VAV2: variants seen among roughly 807,000 people sequenced by gnomAD.
VAV2 encodes vav guanine nucleotide exchange factor 2.
A neutral mutation model predicts 132.5 loss-of-function variants in VAV2; 67 were observed. The ratio of observed to expected loss-of-function variants is 0.51; its 90% CI spans 0.42 to 0.62. The LOEUF (loss-of-function observed/expected upper bound fraction) is 0.62, where lower values mean the gene tolerates loss of function less well. Ranked by LOEUF, VAV2 falls within the 20% of genes least tolerant of loss-of-function variation. VAV2 has a pLI of 0.00. For missense variants in VAV2, 938 were observed against 1,153.6 expected (o/e 0.81, Z 2.71); for synonymous variants, 492 against 443.5 (o/e 1.11, Z -1.37).
chr9:133,956,383 G>A (rs549944227), intron 1 of VAV2, among the ~76,000 whole-genome samples: 35 of 152,278 alleles, frequency 2.3e-4, no homozygotes, highest in African/African-American at 6.7e-4. Flanking sequence ...TGGGCCCAGC[G>A]GGTCTGGGGG....
At chr9:133,860,184 C>A (rs1837541029) in intron 3 of VAV2, among the ~76,000 whole-genome samples, 1 of 151,614 alleles carries the variant, frequency 6.6e-6, no homozygotes, top group South Asian at 2.1e-4. Flanking sequence ...TGCCTGTAAT[C>A]CCAGCTACTC....
At position 133,869,568 on chromosome 9, in the gene VAV2, C is replaced by T. The variant is rs545187769; in HGVS notation, c.322-8136G>A. On this transcript the variant is annotated intron_variant, in intron 2 of 29. Coordinates refer to ENST00000371850, the MANE Select transcript of VAV2 (RefSeq NM_001134398.2). ...GAAGCTGCAGTGAGCTAGAATCATGCCACTGCACTCCAGCCTGGGCGACAC... is the reference window on the plus strand; with the variant it reads ...GAAGCTGCAGTGAGCTAGAATCATGTCACTGCACTCCAGCCTGGGCGACAC... 2.0e-5 allele frequency among the ~76,000 whole-genome samples: 3 copies of T among 152,270 alleles called. No homozygotes were observed. In the East Asian group the frequency reaches 5.8e-4, roughly 29 times the overall value.
In VAV2 at chr9:133,982,549, A is replaced by G. The variant is rs532838966; in HGVS notation, c.204+9526T>C. Among the ~76,000 whole-genome samples the G allele has an allele frequency of 2.4e-3, 368 of 151,492 alleles. 1 individual carries two copies. The highest frequency in any genetic ancestry group is 5.7e-3 in the South Asian group (27 of 4,764). Reference sequence around the variant, plus strand: ...GAGGCCACAAGAGGGGACCTAGGACAGGGCGCAGGAGTCTCTGGCTGGCGG... The same window carrying G: ...GAGGCCACAAGAGGGGACCTAGGACGGGGCGCAGGAGTCTCTGGCTGGCGG... On this transcript the variant is annotated intron_variant, in intron 1 of 29. Transcript: ENST00000371850.
At chr9:133,975,245 A>T (rs1842469239) in intron 1 of VAV2, among the ~76,000 whole-genome samples, 1 of 152,026 alleles carries the variant, frequency 6.6e-6, no homozygotes, top group Admixed American at 6.5e-5. Flanking sequence ...ACCAGGAGCT[A>T]GGAGGGCTGG....
chr9:133,970,753 C>A (rs895680948), intron 1 of VAV2, among the ~76,000 whole-genome samples: 1 of 152,194 alleles, frequency 6.6e-6, no homozygotes, highest in Non-Finnish European at 1.5e-5. Context: ...CACAGCCTCT[C>A]GTGTCAAATG....
At chr9:133,835,339 C>A (rs899096934) in intron 3 of VAV2, among the ~76,000 whole-genome samples, 2 of 151,790 alleles carry the variant, frequency 1.3e-5, no homozygotes, top group Admixed American at 1.3e-4. Flanking sequence ...CGAGCCCAGG[C>A]CAGCACAGGC....
chr9:133,883,760 G>A lies in VAV2; in HGVS notation c.322-22328C>T, dbSNP rs974760815. Among the ~76,000 whole-genome samples, 4 of 152,134 alleles carry A rather than the reference G, an allele frequency of 2.6e-5. No individual in the cohort carries two copies. The highest frequency in any genetic ancestry group is 4.8e-5 in the African/African-American group (2 of 41,406). ...AAGGTGGCGGACGAGAAGCCCTCCC[G>A]GGATCCAGTGCCACTGTGAGGCTCA... On this transcript the variant is annotated intron_variant, in intron 2 of 29. Coordinates refer to ENST00000371850, the MANE Select transcript of VAV2 (RefSeq NM_001134398.2). This position sits in a 1 kb window ranked among gnomAD's most constrained non-coding sequence, Gnocchi z 4.2.
At chr9:133,862,888 T>C (rs1271497699) in intron 2 of VAV2, among the ~76,000 whole-genome samples, 2 of 152,162 alleles carry the variant, frequency 1.3e-5, no homozygotes, top group Non-Finnish European at 2.9e-5. Flanking sequence ...AAATGAACCA[T>C]AGAGACGGCG....
intron 25 of VAV2, among the ~76,000 whole-genome samples, chr9:133,773,770 C>A: frequency 6.6e-6 from 1 of 152,058 alleles, no homozygotes; most frequent in East Asian, 1.9e-4. Flanking sequence ...AAGGAGTATG[C>A]TCTAAAATAA....
intron 1 of VAV2, among the ~76,000 whole-genome samples, chr9:133,972,560 GC>G (rs1564515347): frequency 6.6e-6 from 1 of 152,102 alleles, no homozygotes. Flanking sequence ...GCAAGCCTGA[GC>G]CCCCCTGAGA....
At chr9:133,945,230 T>C (rs1291120570) in intron 1 of VAV2, among the ~76,000 whole-genome samples, 1 of 152,178 alleles carries the variant, frequency 6.6e-6, no homozygotes, top group Non-Finnish European at 1.5e-5. Flanking sequence ...GGAAATCCCA[T>C]TATTTTTTCT....
rs150573269 is a variant in VAV2 at position 133,899,612 on chromosome 9, G to A, written c.322-38180C>T. ...TGTAGTAGAGACCGCGTTTCACCACGTTGACTAGGCTGGTCTCGAACTCCT... is the reference window on the plus strand; with the variant it reads ...TGTAGTAGAGACCGCGTTTCACCACATTGACTAGGCTGGTCTCGAACTCCT... On this transcript the variant is annotated intron_variant, in intron 2 of 29. Transcript: ENST00000371850. Among the ~76,000 whole-genome samples the A allele has an allele frequency of 4.0e-3, 596 of 150,450 alleles. 2 individuals carry two copies. Among genetic ancestry groups the A allele is most frequent in the African/African-American group, 0.01 (427 of 41,182 alleles).
At chr9:133,903,151 A>G (rs983445584) in intron 2 of VAV2, among the ~76,000 whole-genome samples, 3 of 151,964 alleles carry the variant, frequency 2.0e-5, no homozygotes, top group East Asian at 1.9e-4. Context: ...GAATACAAAA[A>G]GAGAAGACGC....
chr9:133,780,589 G>A, intron 20 of VAV2, 105 bp downstream of exon 20: 1 of 1,248,314 alleles, frequency 8.0e-7, no homozygotes, highest in Non-Finnish European at 1.0e-6. Context: ...AGCCGGTGTG[G>A]CCCCATGAGT....
chr9:133,843,723 G>A lies in VAV2; in HGVS notation c.381-9383C>T, dbSNP rs978389482. Among the ~76,000 whole-genome samples the A allele has an allele frequency of 3.9e-5, 6 of 152,244 alleles. No homozygotes were observed. The South Asian group carries it at 1.2e-3, about 32-fold the overall frequency. ...GGGCTGGAGCAGGCAGCCCGGGCAGGGGGTAGATGAAGACTCAAGTGCCAA... is the reference window on the plus strand; with the variant it reads ...GGGCTGGAGCAGGCAGCCCGGGCAGAGGGTAGATGAAGACTCAAGTGCCAA... On this transcript the variant is annotated intron_variant, in intron 3 of 29. Coordinates refer to ENST00000371850, the MANE Select transcript of VAV2 (RefSeq NM_001134398.2).
chr9:133,977,880 C>T (rs1282700074), intron 1 of VAV2, among the ~76,000 whole-genome samples: 1 of 152,228 alleles, frequency 6.6e-6, no homozygotes, highest in Non-Finnish European at 1.5e-5. Flanking sequence ...TACCTCAGGC[C>T]TCTGCCCCTC....
chr9:133,825,265 C>G (rs1047746177), intron 4 of VAV2, among the ~76,000 whole-genome samples: 2 of 152,136 alleles, frequency 1.3e-5, no homozygotes, highest in Non-Finnish European at 2.9e-5. Flanking sequence ...CCCCGTCTTC[C>G]GTCTCTCCAG....
rs1834265147 is a variant in VAV2 at position 133,787,275 on chromosome 9, G to A, written c.1408-15C>T. ...TTCCCGTGAGACTAGGAAGCATGGA[G>A]AGGAGAGGAAGGGGAAGACGGTCAG... is the stretch of plus-strand genomic sequence containing the variant. On this transcript the variant is annotated splice_polypyrimidine_tract_variant and intron_variant, in intron 15 of 29. Coordinates refer to ENST00000371850, the MANE Select transcript of VAV2 (RefSeq NM_001134398.2). 3 of 1,584,412 alleles carry A rather than the reference G, an allele frequency of 1.9e-6. No individual in the cohort carries two copies. The highest frequency in any genetic ancestry group is 2.3e-5 in the South Asian group (2 of 86,854).
At chr9:133,807,413 G>T in intron 7 of VAV2, 87 bp from the exon 8 acceptor site, 1 of 1,382,234 alleles carries the variant, frequency 7.2e-7, no homozygotes, top group Non-Finnish European at 9.7e-7. Context: ...TCCCAGGGCA[G>T]CTCCGAGGCA....
Sources: gnomAD v4.1 joint callset for allele counts (sites outside exome capture counted in the v4.1 genomes callset) on GRCh38, gnomAD v4.1.1 for gene constraint, Gnocchi (gnomAD v3.1) non-coding constraint, MANE v1.5 for transcripts, NCBI Gene and HGNC (gene_info 2026-07-23, HGNC 2026-07-21) for gene names.